The following SFI1 variants were observed in gnomAD, a reference collection of about 807,000 sequenced individuals.
The protein encoded by SFI1 is SFI1 centrin binding protein.
In SFI1, 195 loss-of-function variants were observed where a neutral mutation model predicts 207.5. That is an observed-to-expected ratio of 0.94 (90% CI 0.84 to 1.06). The LOEUF (loss-of-function observed/expected upper bound fraction) is 1.06. Among genes scored for constraint, SFI1 ranks in the 50% least tolerant of loss-of-function variants. SFI1 has a pLI of 0.00. For missense variants in SFI1, 1,634 were observed against 1,588.0 expected (o/e 1.03, Z -0.49); for synonymous variants, 630 against 598.9 (o/e 1.05, Z -0.76).
chr22:31,583,725 GCC>G, intron 12 of SFI1, 148 bp from the exon 13 acceptor site: 2 of 702,594 alleles, frequency 2.8e-6, no homozygotes, highest in Non-Finnish European at 5.1e-6. Context: ...CTATAGTTGA[GCC>G]CTCATTAATT....
In SFI1 at chr22:31,609,130, C is replaced by T. The variant is rs577769392; in HGVS notation, c.2254+1097C>T. On this transcript the variant is annotated intron_variant, in intron 22 of 32. Transcript: ENST00000400288. ...TCTCCTGCCTCAGCCTCCAGAGTAG[C>T]GGGGACTACAGGTGTGTGCCACCAC... Among the ~76,000 whole-genome samples the T allele has an allele frequency of 4.6e-5, 7 of 152,116 alleles. No individual in the cohort carries two copies. The South Asian group carries it at 8.3e-4, about 18-fold the overall frequency.
intron 2 of SFI1, among the ~76,000 whole-genome samples, chr22:31,523,478 A>G (rs2057517723): frequency 6.6e-6 from 1 of 152,250 alleles, no homozygotes; most frequent in Non-Finnish European, 1.5e-5. Flanking sequence ...AATTTATTTT[A>G]TGAAGTTGAG....
chr22:31,501,368 T>G (rs1216137270), intron 1 of SFI1, among the ~76,000 whole-genome samples: 1 of 151,690 alleles, frequency 6.6e-6, no homozygotes, highest in Non-Finnish European at 1.5e-5. Flanking sequence ...AGACGGGGTT[T>G]CACTGTGCTA....
intron 6 of SFI1, among the ~76,000 whole-genome samples, chr22:31,551,716 C>T (rs1171414649): frequency 6.6e-6 from 1 of 152,152 alleles, no homozygotes; most frequent in Non-Finnish European, 1.5e-5. Flanking sequence ...CAGGTGTGAG[C>T]CACTGTGCCT....
chr22:31,504,022 A>C (rs1421653810), intron 1 of SFI1, among the ~76,000 whole-genome samples: 1 of 152,150 alleles, frequency 6.6e-6, no homozygotes, highest in East Asian at 1.9e-4. Flanking sequence ...CTGTGAGGTT[A>C]CAGACGTTGT....
intron 4 of SFI1, among the ~76,000 whole-genome samples, chr22:31,544,150 C>T (rs2059861410): frequency 6.6e-6 from 1 of 152,218 alleles, no homozygotes. Context: ...GATCATGCCA[C>T]TGCACTCCAG....
chr22:31,527,037 C>T (rs1325416340), intron 2 of SFI1, among the ~76,000 whole-genome samples: 1 of 152,186 alleles, frequency 6.6e-6, no homozygotes, highest in East Asian at 1.9e-4. Context: ...GCTGAGATTA[C>T]AGGCACCCGC....
At chr22:31,553,267 T>A (rs2060791927) in intron 6 of SFI1, among the ~76,000 whole-genome samples, 1 of 152,210 alleles carries the variant, frequency 6.6e-6, no homozygotes, top group Admixed American at 6.6e-5. Context: ...TATTTATATC[T>A]GTTTGGTGAA....
At chr22:31,511,145 GCA>G (rs2055442991) in intron 2 of SFI1, among the ~76,000 whole-genome samples, 1 of 152,106 alleles carries the variant, frequency 6.6e-6, no homozygotes, top group South Asian at 2.1e-4. Context: ...TTCTTCCTGA[GCA>G]GAGCCATCTT....
chr22:31,497,406 G>T (rs1032665168), intron 1 of SFI1: 2 of 152,150 alleles, frequency 1.3e-5, no homozygotes, highest in Non-Finnish European at 2.9e-5. Context: ...AGTGATCTGT[G>T]ATCAGTGATC....
rs988659747 is a variant in SFI1 at position 31,614,817 on chromosome 22, C to T, written c.3025C>T (p.Pro1009Ser). The T allele has an allele frequency of 3.7e-6, 6 of 1,613,796 alleles. No individual in the cohort carries two copies. Among genetic ancestry groups the T allele is most frequent in the African/African-American group, 1.3e-5 (1 of 74,934 alleles). ...LNTAHSARKQPRRPHFLLEPA... is the reference protein window; with the variant it reads ...LNTAHSARKQSRRPHFLLEPA... ...CACTGCCCACTCAGCGAGGAAGCAG[C>T]CGCGACGCCCACACTTCCTGTTGGA... Residue 1009 changes from proline to serine, a missense_variant, in exon 28 of 33, where the codon CCG (proline) becomes TCG (serine). By Grantham distance (74) the Pro-to-Ser change is moderately conservative. Coordinates refer to ENST00000400288, the MANE Select transcript of SFI1 (RefSeq NM_001007467.3).
At chr22:31,617,593 C>T (rs150543510) in intron 31 of SFI1, among the ~76,000 whole-genome samples, 3 of 152,054 alleles carry the variant, frequency 2.0e-5, no homozygotes, top group South Asian at 4.2e-4. Context: ...TGGTGGTGCA[C>T]GCATGTAGTC....
intron 14 of SFI1, chr22:31,587,412 C>T (rs1248018191): frequency 4.3e-6 from 1 of 229,986 alleles, no homozygotes; most frequent in Non-Finnish European, 1.0e-5. Flanking sequence ...AAGCGATTCT[C>T]CTGCCTCAGC....
chr22:31,526,183 A>G (rs2057890187), intron 2 of SFI1, among the ~76,000 whole-genome samples: 1 of 152,212 alleles, frequency 6.6e-6, no homozygotes. Context: ...CAAATATGAT[A>G]CCTGTATTAG....
intron 18 of SFI1, 110 bp downstream of exon 18, chr22:31,603,929 AAGG>A (rs2068532773): frequency 3.9e-6 from 4 of 1,014,302 alleles, no homozygotes; most frequent in South Asian, 1.5e-5. Flanking sequence ...CTCTGAGCTG[AAGG>A]AGGAGAACAG....
intron 6 of SFI1, among the ~76,000 whole-genome samples, chr22:31,552,555 G>C (rs1329104920): frequency 6.6e-6 from 1 of 152,108 alleles, no homozygotes. Flanking sequence ...CCCGGCTGTG[G>C]TGTATATTTT....
chr22:31,606,066 G>A, intron 20 of SFI1: 4 of 440,896 alleles, frequency 9.1e-6, no homozygotes, highest in Non-Finnish European at 1.7e-5. Context: ...GTTATGCCCT[G>A]TTATCCCCGT....
chr22:31,618,495 A>G lies in SFI1; in HGVS notation c.*77A>G. The G allele has an allele frequency of 7.5e-7, 1 of 1,335,910 alleles. No individual in the cohort carries two copies. The highest frequency in any genetic ancestry group is 9.8e-7 in the Non-Finnish European group (1 of 1,021,958). The allele number at this position is 1,335,910 out of a possible 1,614,324, so 82.8% of individuals were successfully genotyped here. A position where few individuals can be genotyped will look rare whatever the true frequency, so the allele number is the denominator to read the frequency against. On this transcript the variant is annotated 3_prime_UTR_variant, in exon 33 of 33. Transcript: ENST00000400288. ...ACCTCCAGGAACAGAACACAGTTTTAAGTTTGATTTTTTTTATTTCAAAAT... is the reference window on the plus strand; with the variant it reads ...ACCTCCAGGAACAGAACACAGTTTTGAGTTTGATTTTTTTTATTTCAAAAT...
chr22:31,527,882 G>A (rs1295142754), intron 2 of SFI1, among the ~76,000 whole-genome samples: 5 of 152,184 alleles, frequency 3.3e-5, no homozygotes, highest in African/African-American at 1.2e-4. Context: ...GGGAGGCCGA[G>A]GTGGGTGGAT....
Sources: allele counts gnomAD v4.1 joint callset (sites outside exome capture counted in the v4.1 genomes callset), GRCh38; gene constraint gnomAD v4.1.1; transcripts MANE v1.5; gene names NCBI Gene and HGNC (gene_info 2026-07-23, HGNC 2026-07-21).